The following OPRM1 variants were observed in gnomAD, a reference collection of about 807,000 sequenced individuals.
The protein encoded by OPRM1 is opioid receptor mu 1.
OPRM1 carries 27 observed loss-of-function variants against 31.8 expected under a neutral mutation model. That is an observed-to-expected ratio of 0.85 (90% CI 0.63 to 1.17). The LOEUF is 1.17. OPRM1 is among the 50% of genes most tolerant of loss of function. The probability of loss-of-function intolerance (pLI) is 0.00; values close to 1 mark genes in which losing one functional copy is unlikely to be tolerated. For missense variants in OPRM1, 536 were observed against 511.1 expected, an observed-to-expected ratio of 1.05 and a Z score of -0.47; for synonymous variants, 196 against 189.9, an observed-to-expected ratio of 1.03 and a Z score of -0.26.
chr6:154,180,386 C>CTATATATATATATATATATA (rs58975780), intron 3 of OPRM1, among the ~76,000 whole-genome samples: 1 of 88,324 alleles, frequency 1.1e-5, no homozygotes, highest in African/African-American at 4.9e-5. Flanking sequence ...ACAACAACAA[C>CTATATATATATATATATATA]TATATATATA....
chr6:154,242,685 G>A (rs1780688063), intron 3 of OPRM1, among the ~76,000 whole-genome samples: 2 of 152,248 alleles, frequency 1.3e-5, no homozygotes, highest in South Asian at 2.1e-4. Context: ...TCAGGAGTTC[G>A]AGACTAGCCT....
intron 3 of OPRM1, among the ~76,000 whole-genome samples, chr6:154,212,608 G>C (rs1562544359): frequency 6.6e-6 from 1 of 152,172 alleles, no homozygotes; most frequent in African/African-American, 2.4e-5. Context: ...CTATGGAGAA[G>C]GCTCAAAATC....
rs200929209 is a variant in OPRM1 at position 154,118,664 on chromosome 6, G to T, written c.1165-19G>T. ...CGTATCTGAAATGTTCACTGTCTTT[G>T]CTCTTTCTCTCCTTTCAGCTAGAAA... On this transcript the variant is annotated intron_variant, in intron 3 of 3. Transcript: ENST00000330432. The T allele has an allele frequency of 4.3e-6, 7 of 1,611,946 alleles. No individual in the cohort carries two copies. The highest frequency in any genetic ancestry group is 1.1e-5 in the South Asian group (1 of 91,012).
intron 1 of OPRM1, among the ~76,000 whole-genome samples, chr6:154,048,864 A>G (rs1411701532): frequency 6.6e-6 from 1 of 152,182 alleles, no homozygotes; most frequent in African/African-American, 2.4e-5. Context: ...AAAACTCAGA[A>G]AGTAAAATTT....
intron 1 of OPRM1, among the ~76,000 whole-genome samples, chr6:154,065,150 A>ATTTTTTTTTTTTTTTTTTTTTTTTTATTT (rs564465420): frequency 7.5e-6 from 1 of 133,674 alleles, no homozygotes. Flanking sequence ...GTCTTCTTTA[A>ATTTTTTTTTTTTTTTTTTTTTTTTTATTT]TTTTTTTTTT....
At chr6:154,185,813 A>T (rs1424943980) in intron 3 of OPRM1, among the ~76,000 whole-genome samples, 2 of 152,256 alleles carry the variant, frequency 1.3e-5, no homozygotes, top group Non-Finnish European at 2.9e-5. Context: ...TAATGTTATA[A>T]GAAAGTTGAT....
chr6:154,246,483 G>A lies in OPRM1; in HGVS notation c.1165-210G>A, dbSNP rs140296576. On this transcript the variant is annotated intron_variant, in intron 3 of 3. Transcript: ENST00000337049. ...TATAACTTATTTGTTTATTTACTCCGCTCCAATTCCCAGAAATCAAAATGA... is the reference window on the plus strand; with the variant it reads ...TATAACTTATTTGTTTATTTACTCCACTCCAATTCCCAGAAATCAAAATGA... The A allele has an allele frequency of 9.2e-5, 117 of 1,265,304 alleles. 1 individual carries two copies. The East Asian group carries it at 2.0e-3, about 21-fold the overall frequency. 78.4% of individuals were successfully genotyped at this position (1,265,304 alleles called of 1,614,324 possible).
Position 154,039,400 on chromosome 6 carries a change from C to G in OPRM1, c.-145C>G. ...TCGGTCCCCTCCGCCTGACGCTCCT[C>G]TCTGTCTCAGCCAGGACTGGTTTCT... On this transcript the variant is annotated 5_prime_UTR_variant, in exon 1 of 4. Coordinates refer to ENST00000330432, the MANE Select transcript of OPRM1 (RefSeq NM_000914.5). 6.5e-7 allele frequency: 1 copy of G among 1,548,116 alleles called. No individual in the cohort carries two copies. The highest frequency in any genetic ancestry group is 8.7e-7 in the Non-Finnish European group (1 of 1,144,606).
At chr6:154,082,500 A>C (rs1789398843) in intron 1 of OPRM1, among the ~76,000 whole-genome samples, 1 of 152,190 alleles carries the variant, frequency 6.6e-6, no homozygotes, top group Non-Finnish European at 1.5e-5. Flanking sequence ...TACAAAAGGT[A>C]ATTTTCTAAT....
chr6:154,206,083 C>G (rs1196452402), intron 3 of OPRM1, among the ~76,000 whole-genome samples: 1 of 152,184 alleles, frequency 6.6e-6, no homozygotes, highest in African/African-American at 2.4e-5. Context: ...ATATTGGTAA[C>G]AGTCCCTAGC....
At chr6:154,165,949 G>A (rs890977150) in intron 3 of OPRM1, among the ~76,000 whole-genome samples, 3 of 152,192 alleles carry the variant, frequency 2.0e-5, no homozygotes, top group Non-Finnish European at 4.4e-5. Flanking sequence ...AACCTGAAAG[G>A]ACCTGAATCC....
chr6:154,048,989 G>C (rs1223539574), intron 1 of OPRM1, among the ~76,000 whole-genome samples: 3 of 152,126 alleles, frequency 2.0e-5, no homozygotes, highest in Admixed American at 2.0e-4. Context: ...TTGCTTCTAG[G>C]GGATATATAG....
At chr6:154,068,059 G>A (rs560529047) in intron 1 of OPRM1, among the ~76,000 whole-genome samples, 3 of 151,958 alleles carry the variant, frequency 2.0e-5, no homozygotes, top group African/African-American at 7.2e-5. Context: ...ACTCCCTTTA[G>A]CATTTTCTTA....
intron 1 of OPRM1, among the ~76,000 whole-genome samples, chr6:154,069,386 A>ATG (rs1786160607): frequency 6.6e-6 from 1 of 152,046 alleles, no homozygotes; most frequent in Non-Finnish European, 1.5e-5. Flanking sequence ...TTACAGGTGC[A>ATG]TGCCGCCACA....
chr6:154,239,751 T>C (rs1414215621), intron 3 of OPRM1, among the ~76,000 whole-genome samples: 3 of 152,374 alleles, frequency 2.0e-5, no homozygotes, highest in Admixed American at 6.5e-5. Flanking sequence ...TCACCCAGGC[T>C]GGAGTGCAGT....
intron 3 of OPRM1, among the ~76,000 whole-genome samples, chr6:154,215,361 C>CA (rs1254339749): frequency 1.3e-5 from 2 of 152,112 alleles, no homozygotes; most frequent in Non-Finnish European, 2.9e-5. Flanking sequence ...CCCAGCACTT[C>CA]AGGAGGCCAA....
At chr6:154,013,375 A>G (rs180681739) in intron 1 of OPRM1, among the ~76,000 whole-genome samples, 18 of 152,312 alleles carry the variant, frequency 1.2e-4, no homozygotes, top group African/African-American at 3.6e-4. Context: ...GAGAAATTCT[A>G]TAAGCAATGT....
intron 3 of OPRM1, among the ~76,000 whole-genome samples, chr6:154,193,275 A>G (rs553545665): frequency 6.6e-6 from 1 of 152,220 alleles, no homozygotes; most frequent in East Asian, 1.9e-4. Flanking sequence ...GGAATGGAAA[A>G]CCAAAATTGT....
intron 3 of OPRM1, among the ~76,000 whole-genome samples, chr6:154,099,973 T>C (rs1262683362): frequency 7.1e-6 from 1 of 141,422 alleles, no homozygotes; most frequent in South Asian, 2.2e-4. Context: ...CATATTACGA[T>C]ATATATCATA....
Sources: gnomAD v4.1 joint callset for allele counts (sites outside exome capture counted in the v4.1 genomes callset) on GRCh38, gnomAD v4.1.1 for gene constraint, MANE v1.5 for transcripts, NCBI Gene and HGNC (gene_info 2026-07-23, HGNC 2026-07-21) for gene names.